Variants in FGFR2 observed in about 807,000 individuals in gnomAD.
FGFR2 encodes BEK fibroblast growth factor receptor.
FGFR2 carries 19 observed loss-of-function variants against 95.9 expected under a neutral mutation model. The ratio of observed to expected loss-of-function variants is 0.20; its 90% CI spans 0.14 to 0.29. The LOEUF is 0.29. Among genes scored for constraint, FGFR2 ranks in the 10% least tolerant of loss-of-function variants. The pLI is 1.00. For missense variants in FGFR2, 707 were observed against 1,056.9 expected (o/e 0.67, Z 4.59); for synonymous variants, 392 against 393.3 (o/e 1.00, Z 0.04).
At chr10:121,499,192 C>A (rs933079893) in intron 11 of FGFR2, among the ~76,000 whole-genome samples, 2 of 152,174 alleles carry the variant, frequency 1.3e-5, no homozygotes, top group African/African-American at 4.8e-5. Flanking sequence ...GTTACATAAA[C>A]TTCCGCTCTG....
At chr10:121,561,847 G>A (rs753326929) in intron 4 of FGFR2, among the ~76,000 whole-genome samples, 2 of 152,186 alleles carry the variant, frequency 1.3e-5, no homozygotes, top group Non-Finnish European at 2.9e-5. Flanking sequence ...TCGACAGTAA[G>A]AAAACAAACA....
intron 9 of FGFR2, among the ~76,000 whole-genome samples, chr10:121,513,739 T>C (rs1000737040): frequency 7.9e-5 from 12 of 152,162 alleles, no homozygotes; most frequent in African/African-American, 2.9e-4. Flanking sequence ...GGCCCCTCTT[T>C]TCCATGCTGT....
chr10:121,535,391 A>G (rs960967406), intron 6 of FGFR2, among the ~76,000 whole-genome samples: 1 of 152,236 alleles, frequency 6.6e-6, no homozygotes, highest in African/African-American at 2.4e-5. Context: ...ATTTGTCCCA[A>G]TTCACTAGGG....
At chr10:121,562,353 C>T (rs549746625) in intron 4 of FGFR2, among the ~76,000 whole-genome samples, 3 of 151,176 alleles carry the variant, frequency 2.0e-5, no homozygotes, top group Non-Finnish European at 4.4e-5. Context: ...GGTGTGATCT[C>T]GACTCACTGC....
chr10:121,481,978 C>T (rs1196432759), intron 17 of FGFR2: 8 of 446,090 alleles, frequency 1.8e-5, no homozygotes, highest in South Asian at 3.1e-5. Flanking sequence ...GCTGGGATTA[C>T]AGGTGCACAC....
At chr10:121,487,712 A>G (rs955244094) in intron 14 of FGFR2, among the ~76,000 whole-genome samples, 1 of 152,238 alleles carries the variant, frequency 6.6e-6, no homozygotes, top group East Asian at 1.9e-4. Context: ...TCCAAGCTGT[A>G]GTTTTTGCTA....
At chr10:121,496,368 A>G (rs966755690) in intron 13 of FGFR2, among the ~76,000 whole-genome samples, 164 bp downstream of exon 13, 9 of 152,204 alleles carry the variant, frequency 5.9e-5, no homozygotes, top group African/African-American at 2.2e-4. Flanking sequence ...TTGGTTTTAA[A>G]CAGTTCATTA....
intron 4 of FGFR2, among the ~76,000 whole-genome samples, chr10:121,556,573 T>C (rs1856190925): frequency 6.6e-6 from 1 of 152,134 alleles, no homozygotes; most frequent in Non-Finnish European, 1.5e-5. Flanking sequence ...AAAGGTTAAG[T>C]GATTTGATCA....
At chr10:121,502,983 A>G (rs113713044) in intron 10 of FGFR2, among the ~76,000 whole-genome samples, 33 of 152,314 alleles carry the variant, frequency 2.2e-4, no homozygotes, top group African/African-American at 7.5e-4. Flanking sequence ...GGTTACCACC[A>G]CGTGAAGGGA....
chr10:121,493,300 C>G (rs574600028), intron 13 of FGFR2, among the ~76,000 whole-genome samples: 1 of 152,148 alleles, frequency 6.6e-6, no homozygotes. Flanking sequence ...CGTTCTTCCA[C>G]GATTAAATGG....
chr10:121,516,612 G>A (rs1251733483), intron 8 of FGFR2, among the ~76,000 whole-genome samples: 1 of 152,222 alleles, frequency 6.6e-6, no homozygotes, highest in Non-Finnish European at 1.5e-5. Context: ...AGAGAGGACA[G>A]TGTTTAATTT....
At chr10:121,524,400 G>C (rs769257704) in intron 6 of FGFR2, among the ~76,000 whole-genome samples, 2 of 152,108 alleles carry the variant, frequency 1.3e-5, no homozygotes, top group African/African-American at 2.4e-5. Flanking sequence ...TGAAACCTTA[G>C]AGAATGTTAT....
chr10:121,506,893 A>T (rs2134109913), intron 9 of FGFR2, among the ~76,000 whole-genome samples: 1 of 152,356 alleles, frequency 6.6e-6, no homozygotes, highest in South Asian at 2.1e-4. Context: ...GAAGTACTTT[A>T]TTTAACAAAA....
intron 6 of FGFR2, among the ~76,000 whole-genome samples, chr10:121,523,621 A>G (rs1331140852): frequency 6.6e-6 from 1 of 152,214 alleles, no homozygotes; most frequent in Non-Finnish European, 1.5e-5. Context: ...AGCAAATAGT[A>G]AGAAGGTTTA....
At position 121,564,488 on chromosome 10, in the gene FGFR2, G is replaced by C. The variant is rs112142377; in HGVS notation, c.454+14C>G. 5 of 1,611,876 alleles carry C rather than the reference G, an allele frequency of 3.1e-6. No homozygotes were observed. The highest frequency in any genetic ancestry group is 4.2e-6 in the Non-Finnish European group (5 of 1,178,292). On this transcript the variant is annotated intron_variant, in intron 4 of 17. Coordinates refer to ENST00000358487, the MANE Select transcript of FGFR2 (RefSeq NM_000141.5). ...TCCTCTCTCGGGGACCATCGGAGCC[G>C]GGCAGTTACTTACTCTTGTTGTTAC...
At chr10:121,548,021 G>C (rs533683885) in intron 5 of FGFR2, among the ~76,000 whole-genome samples, 5 of 152,238 alleles carry the variant, frequency 3.3e-5, no homozygotes, top group African/African-American at 9.6e-5. Context: ...TTGGGACTCA[G>C]TGGAATTTCT....
chr10:121,566,263 A>G (rs1274282655), intron 2 of FGFR2, among the ~76,000 whole-genome samples: 25 of 152,136 alleles, frequency 1.6e-4, no homozygotes, highest in Admixed American at 1.6e-3. Context: ...ATGAGCTCTC[A>G]TGTTCAGATC....
intron 7 of FGFR2, among the ~76,000 whole-genome samples, chr10:121,519,055 C>T (rs920932700): frequency 2.6e-5 from 4 of 152,272 alleles, no homozygotes; most frequent in Admixed American, 6.5e-5. Context: ...CTGGATAGGT[C>T]GGGTGGGTCC....
intron 2 of FGFR2, among the ~76,000 whole-genome samples, chr10:121,589,976 T>G (rs564072746): frequency 6.6e-6 from 1 of 152,254 alleles, no homozygotes; most frequent in Admixed American, 6.5e-5. Flanking sequence ...GTTAATATTA[T>G]GGCATTTACA....
Sources: allele counts gnomAD v4.1 joint callset (sites outside exome capture counted in the v4.1 genomes callset), GRCh38; gene constraint gnomAD v4.1.1; transcripts MANE v1.5; gene names NCBI Gene and HGNC (gene_info 2026-07-23, HGNC 2026-07-21).